BLM: variants seen among roughly 807,000 people sequenced by gnomAD.
BLM encodes the protein BLM RecQ like helicase, also known as recQ-like DNA helicase BLM.
A neutral mutation model predicts 135.3 loss-of-function variants in BLM; 95 were observed. That is an observed-to-expected ratio of 0.70 (90% CI 0.59 to 0.83). The LOEUF is 0.83. Ranked by LOEUF, BLM falls within the 40% of genes least tolerant of loss-of-function variation. The pLI is 0.00. For synonymous variants in BLM, 520 were observed against 589.2 expected, an observed-to-expected ratio of 0.88 and a Z score of 1.70; for missense variants, 1,518 against 1,663.9, an observed-to-expected ratio of 0.91 and a Z score of 1.53.
At chr15:90,730,312 G>A (rs1353096238) in intron 1 of BLM, among the ~76,000 whole-genome samples, 4 of 152,098 alleles carry the variant, frequency 2.6e-5, no homozygotes, top group African/African-American at 9.7e-5. Flanking sequence ...GTATATATCT[G>A]ATAAAAGTAT....
intron 19 of BLM, among the ~76,000 whole-genome samples, chr15:90,805,508 G>A (rs1011511183): frequency 6.6e-6 from 1 of 151,818 alleles, no homozygotes; most frequent in Non-Finnish European, 1.5e-5. Flanking sequence ...ACAATGATCT[G>A]GCCGGACACG....
intron 1 of BLM, among the ~76,000 whole-genome samples, chr15:90,731,532 T>G (rs1326491292): frequency 3.3e-5 from 5 of 152,208 alleles, no homozygotes; most frequent in Non-Finnish European, 7.3e-5. Context: ...TTTTTGACCA[T>G]CAATAGGACT....
intron 12 of BLM, among the ~76,000 whole-genome samples, chr15:90,774,982 C>G (rs146996679): frequency 6.6e-6 from 1 of 152,098 alleles, no homozygotes; most frequent in Non-Finnish European, 1.5e-5. Context: ...GGCACTTTAA[C>G]CTGGGAAGTG....
chr15:90,779,534 A>G (rs973731842), intron 12 of BLM, among the ~76,000 whole-genome samples: 1 of 152,106 alleles, frequency 6.6e-6, no homozygotes, highest in Non-Finnish European at 1.5e-5. Flanking sequence ...TCTTTAATCT[A>G]CTACCTTTTT....
intron 1 of BLM, among the ~76,000 whole-genome samples, chr15:90,744,942 G>A (rs1237412674): frequency 6.6e-6 from 1 of 151,908 alleles, no homozygotes; most frequent in East Asian, 1.9e-4. Context: ...GTCCAGCTGT[G>A]TGGGAGGGTG....
Position 90,750,887 on chromosome 15 carries a change from C to T in BLM, c.799+820C>T, listed in dbSNP as rs114279038. 9.0e-3 allele frequency among the ~76,000 whole-genome samples: 1,373 copies of T among 152,204 alleles called. 16 individuals are homozygous for T. The highest frequency in any genetic ancestry group is 0.03 in the African/African-American group (1,238 of 41,512). Reference sequence around the variant, plus strand: ...ACTATCCGAGATTTCAGGCATCCACCGGGGTCTTGTCACATATTTCCTGAA... The same window carrying T: ...ACTATCCGAGATTTCAGGCATCCACTGGGGTCTTGTCACATATTTCCTGAA... On this transcript the variant is annotated intron_variant, in intron 3 of 21. Transcript: ENST00000355112.
At chr15:90,805,146 CT>C (rs11370705) in intron 19 of BLM, among the ~76,000 whole-genome samples, 1 of 149,562 alleles carries the variant, frequency 6.7e-6, no homozygotes, top group Non-Finnish European at 1.5e-5. Flanking sequence ...GAAACTTATT[CT>C]TTTTTTTTTA....
In BLM at chr15:90,795,055, G is replaced by A. The variant is rs115828017; in HGVS notation, c.3210+698G>A. Among the ~76,000 whole-genome samples, 192 of 152,208 alleles carry A rather than the reference G, an allele frequency of 1.3e-3. 1 individual carries two copies. The highest frequency in any genetic ancestry group is 4.5e-3 in the African/African-American group (185 of 41,534). ...CCTACTGCTTACTGAGCATTTTCAC[G>A]TTTGGTGTATTATTTACCTATCTGG... On this transcript the variant is annotated intron_variant, in intron 16 of 21. Coordinates refer to ENST00000355112, the MANE Select transcript of BLM (RefSeq NM_000057.4).
chr15:90,743,440 CT>C (rs1895420935), intron 1 of BLM, among the ~76,000 whole-genome samples: 2 of 151,926 alleles, frequency 1.3e-5, no homozygotes, highest in Admixed American at 6.6e-5. Context: ...GAAATTGTTC[CT>C]TTTTTTAATA....
intron 19 of BLM, chr15:90,808,727 G>A (rs1897337647): frequency 3.2e-6 from 1 of 312,990 alleles, no homozygotes; most frequent in Non-Finnish European, 6.2e-6. Context: ...CAAGTCTGGA[G>A]TGCAGAGAAG....
chr15:90,801,104 G>T (rs2677725), intron 17 of BLM, among the ~76,000 whole-genome samples: 1 of 150,848 alleles, frequency 6.6e-6, no homozygotes, highest in African/African-American at 2.4e-5. Context: ...AGCTAAGATC[G>T]CACCACTGCA....
chr15:90,739,250 A>T (rs950858608), intron 1 of BLM, among the ~76,000 whole-genome samples: 3 of 151,820 alleles, frequency 2.0e-5, no homozygotes, highest in Non-Finnish European at 2.9e-5. Context: ...AAAACAGAAA[A>T]ATTAGCTGGG....
intron 1 of BLM, among the ~76,000 whole-genome samples, chr15:90,717,791 C>T (rs1355263427): frequency 6.6e-6 from 1 of 152,244 alleles, no homozygotes; most frequent in African/African-American, 2.4e-5. Flanking sequence ...ACTACTACCT[C>T]CGTGTCCCTC....
At chr15:90,750,779 C>A (rs1018947981) in intron 3 of BLM, among the ~76,000 whole-genome samples, 1 of 152,056 alleles carries the variant, frequency 6.6e-6, no homozygotes, top group Non-Finnish European at 1.5e-5. Flanking sequence ...AGTTGTTCAC[C>A]TTTTGCTGTG....
At chr15:90,773,454 G>A (rs1355411619) in intron 12 of BLM, among the ~76,000 whole-genome samples, 1 of 145,858 alleles carries the variant, frequency 6.9e-6, no homozygotes, top group Admixed American at 6.9e-5. Context: ...TTAAACAGCT[G>A]TATTGAAATA....
In BLM at chr15:90,760,276, T is replaced by C. The variant is rs2151157512; in HGVS notation, c.1217T>C (p.Ile406Thr). ...CGNELLQQRN[I>T]RRKLLTEVDF... ...AACGAACTGCTTCAGCAGCGGAACA[T>C]AAGGTATCTTAATTTTCCCCCTTCT... Residue 406 changes from isoleucine to threonine, a missense_variant, in exon 6 of 22, where the codon ATA becomes ACA. By Grantham distance (89) the Ile-to-Thr change is moderately conservative. Coordinates refer to ENST00000355112, the MANE Select transcript of BLM (RefSeq NM_000057.4). 1.2e-6 allele frequency: 2 copies of C among 1,614,052 alleles called. No homozygotes were observed. Among genetic ancestry groups the C allele is most frequent in the Non-Finnish European group, 1.7e-6 (2 of 1,180,014 alleles).
intron 8 of BLM, 42 bp downstream of exon 8, chr15:90,763,199 G>A: frequency 1.3e-6 from 2 of 1,592,170 alleles, no homozygotes; most frequent in Non-Finnish European, 1.7e-6. Context: ...TCCATTGGCA[G>A]ATGTTAAATG....
rs973389134 is a variant in BLM at position 90,790,717 on chromosome 15, A to G, written c.2892A>G (p.Ala964=). 1.2e-6 allele frequency: 2 copies of G among 1,614,192 alleles called. No individual in the cohort carries two copies. Among genetic ancestry groups the G allele is most frequent in the Non-Finnish European group, 1.7e-6 (2 of 1,180,016 alleles). Residue 964 remains alanine (A), a synonymous_variant, in exon 15 of 22, where the codon GCA becomes GCG. Transcript: ENST00000355112. ...DKPDVRFVIH[A]SLPKSVEGYY... is the part of the protein sequence containing the mutation. ...CGGACGTGCGATTTGTGATTCATGC[A>G]TCTCTCCCTAAATCTGTGGAGGGTT...
rs60733714 is a variant in BLM, at chr15:90,778,889, C to CTTTTTTTTTTTTTTTTTTTTT, written c.2556-3919_2556-3918insTTTTTTTTTTTTTTTTTTTTT. Among the ~76,000 whole-genome samples the CTTTTTTTTTTTTTTTTTTTTT allele has an allele frequency of 8.2e-4, 111 of 135,042 alleles. 7 individuals are homozygous for CTTTTTTTTTTTTTTTTTTTTT. The highest frequency in any genetic ancestry group is 4.2e-3 in the Middle Eastern group (1 of 238). The allele number at this position is 135,042 out of a possible 152,430, so 88.6% of individuals were successfully genotyped here. On this transcript the variant is annotated intron_variant, in intron 12 of 21. Coordinates refer to ENST00000355112, the MANE Select transcript of BLM (RefSeq NM_000057.4). Reference sequence around the variant, plus strand: ...ATAGAAACTCTATGTTTAACCCTTTCTTTTTTTTTTTTTTGAGACGGAGTC... The same window carrying CTTTTTTTTTTTTTTTTTTTTT: ...ATAGAAACTCTATGTTTAACCCTTTCTTTTTTTTTTTTTTTTTTTTTTTTTTTTTTTTTTTGAGACGGAGTC...
Sources: allele counts gnomAD v4.1 joint callset (sites outside exome capture counted in the v4.1 genomes callset), GRCh38; gene constraint gnomAD v4.1.1; transcripts MANE v1.5; gene names NCBI Gene and HGNC (gene_info 2026-07-23, HGNC 2026-07-21).